The following ARHGAP15 variants were observed in gnomAD, a reference collection of about 807,000 sequenced individuals.
ARHGAP15 encodes the protein rho GTPase-activating protein 15.
A neutral mutation model predicts 63.7 loss-of-function variants in ARHGAP15; 51 were observed. That is an observed-to-expected ratio of 0.80 (90% CI 0.64 to 1.01). The LOEUF is 1.01. Ranked by LOEUF, ARHGAP15 falls within the 50% of genes least tolerant of loss-of-function variation. ARHGAP15 has a pLI of 0.00. For synonymous variants in ARHGAP15, 191 were observed against 193.8 expected, an observed-to-expected ratio of 0.99 and a Z score of 0.12; for missense variants, 560 against 564.6, an observed-to-expected ratio of 0.99 and a Z score of 0.08.
chr2:143,594,106 CTCA>C (rs1191994383), intron 11 of ARHGAP15, among the ~76,000 whole-genome samples: 1 of 151,894 alleles, frequency 6.6e-6, no homozygotes, highest in Non-Finnish European at 1.5e-5. Context: ...ATGTATTAAT[CTCA>C]TCATTAAAAG....
chr2:143,451,039 C>T (rs189344206), intron 8 of ARHGAP15, among the ~76,000 whole-genome samples: 1 of 152,058 alleles, frequency 6.6e-6, no homozygotes, highest in African/African-American at 2.4e-5. Context: ...TATCCTCTCT[C>T]TCTAAAGATT....
chr2:143,365,484 C>T (rs934256878), intron 6 of ARHGAP15, among the ~76,000 whole-genome samples: 1 of 152,168 alleles, frequency 6.6e-6, no homozygotes, highest in East Asian at 1.9e-4. Context: ...TTGCACATTG[C>T]CGTAATTGTC....
At chr2:143,163,749 C>T (rs1333528809) in intron 2 of ARHGAP15, among the ~76,000 whole-genome samples, 3 of 152,076 alleles carry the variant, frequency 2.0e-5, no homozygotes, top group Non-Finnish European at 1.5e-5. Context: ...AGAAGAAAAG[C>T]ACAAGTCCTC....
At chr2:143,732,489 T>C (rs1685578422) in intron 13 of ARHGAP15, among the ~76,000 whole-genome samples, 2 of 152,212 alleles carry the variant, frequency 1.3e-5, no homozygotes, top group African/African-American at 2.4e-5. Context: ...TTGATGCTCA[T>C]ATTTACAAAG....
At chr2:143,135,674 C>A (rs79956522) in intron 1 of ARHGAP15, among the ~76,000 whole-genome samples, 6,472 of 152,154 alleles carry the variant, frequency 0.043, 367 homozygotes, top group African/African-American at 0.13. Context: ...CTATCGAACC[C>A]TCCTTCCCTC....
chr2:143,389,373 G>A (rs1407038186), intron 6 of ARHGAP15, among the ~76,000 whole-genome samples: 1 of 152,050 alleles, frequency 6.6e-6, no homozygotes, highest in Non-Finnish European at 1.5e-5. Flanking sequence ...TACAGATACT[G>A]AAAGAAGCAA....
At chr2:143,307,496 C>G (rs1683227773) in intron 6 of ARHGAP15, among the ~76,000 whole-genome samples, 1 of 152,102 alleles carries the variant, frequency 6.6e-6, no homozygotes, top group Non-Finnish European at 1.5e-5. Context: ...AAGGTAGTAA[C>G]ATGATATCAA....
intron 10 of ARHGAP15, among the ~76,000 whole-genome samples, chr2:143,545,758 T>C (rs1312139950): frequency 1.3e-5 from 2 of 152,164 alleles, no homozygotes; most frequent in African/African-American, 2.4e-5. Flanking sequence ...GATTTTTTTT[T>C]CCTACGTCTT....
chr2:143,625,594 A>T (rs1698805718), intron 12 of ARHGAP15, among the ~76,000 whole-genome samples: 1 of 152,170 alleles, frequency 6.6e-6, no homozygotes, highest in Non-Finnish European at 1.5e-5. Flanking sequence ...ACTTCTTCAG[A>T]ACAGCAATGT....
intron 9 of ARHGAP15, among the ~76,000 whole-genome samples, chr2:143,496,784 T>G (rs987515423): frequency 1.3e-5 from 2 of 152,236 alleles, no homozygotes; most frequent in African/African-American, 4.8e-5. Flanking sequence ...GTAATAGCTA[T>G]GCTTAATGCT....
chr2:143,152,818 C>T (rs1282038495), intron 1 of ARHGAP15, among the ~76,000 whole-genome samples: 1 of 151,682 alleles, frequency 6.6e-6, no homozygotes, highest in African/African-American at 2.4e-5. Context: ...GGGGTGTCAA[C>T]AAAATGTAAC....
chr2:143,428,042 T>C (rs771736505), intron 6 of ARHGAP15, among the ~76,000 whole-genome samples: 27 of 152,026 alleles, frequency 1.8e-4, no homozygotes, highest in Non-Finnish European at 3.4e-4. Context: ...TATTATAGCA[T>C]AGTGGGGGGA....
At chr2:143,761,625 G>A (rs998112824) in intron 13 of ARHGAP15, among the ~76,000 whole-genome samples, 2 of 152,086 alleles carry the variant, frequency 1.3e-5, no homozygotes, top group African/African-American at 4.8e-5. Flanking sequence ...CTTTCAGTTC[G>A]AGTCATTTGG....
chr2:143,572,104 G>A (rs975689031), intron 11 of ARHGAP15: 8 of 152,228 alleles, frequency 5.3e-5, no homozygotes, highest in African/African-American at 1.9e-4. Context: ...TTAGATGCTG[G>A]AGACTGAGCT....
At chr2:143,730,035 G>A (rs1427963490) in intron 13 of ARHGAP15, among the ~76,000 whole-genome samples, 1 of 152,170 alleles carries the variant, frequency 6.6e-6, no homozygotes, top group Non-Finnish European at 1.5e-5. Context: ...AAGAGGCAAG[G>A]AATTGAGAAC....
intron 6 of ARHGAP15, among the ~76,000 whole-genome samples, chr2:143,397,328 G>GTA (rs1558943926): frequency 6.7e-6 from 1 of 148,220 alleles, no homozygotes; most frequent in African/African-American, 2.5e-5. Context: ...GTGTGTGTGT[G>GTA]TGTGTGTGTG....
chr2:143,643,152 A>T (rs1680689100), intron 12 of ARHGAP15, among the ~76,000 whole-genome samples: 1 of 152,066 alleles, frequency 6.6e-6, no homozygotes, highest in Non-Finnish European at 1.5e-5. Context: ...GAAAGCAGAA[A>T]CCCATGTTTT....
chr2:143,535,855 A>G (rs1324635540), intron 10 of ARHGAP15, among the ~76,000 whole-genome samples: 1 of 152,250 alleles, frequency 6.6e-6, no homozygotes, highest in Non-Finnish European at 1.5e-5. Flanking sequence ...TTAGAAAGTC[A>G]CATATATGGA....
At chr2:143,397,497 G>A (rs1687819691) in intron 6 of ARHGAP15, among the ~76,000 whole-genome samples, 1 of 151,696 alleles carries the variant, frequency 6.6e-6, no homozygotes, top group Non-Finnish European at 1.5e-5. Flanking sequence ...TAAAGGAAGA[G>A]AATATAAAGT....
Sources: allele counts gnomAD v4.1 joint callset (sites outside exome capture counted in the v4.1 genomes callset), GRCh38; gene constraint gnomAD v4.1.1; transcripts MANE v1.5; gene names NCBI Gene and HGNC (gene_info 2026-07-23, HGNC 2026-07-21).